KIRREL3: variants seen among roughly 807,000 people sequenced by gnomAD.
KIRREL3 encodes kirre like nephrin family adhesion molecule 3, also known as kin of IRRE-like protein 3.
Under a neutral mutation model 89.7 loss-of-function variants are expected in KIRREL3, and 36 were observed. The observed-to-expected ratio is 0.40, with a 90% CI of 0.31 to 0.53. The LOEUF (loss-of-function observed/expected upper bound fraction) is 0.53. Ranked by LOEUF, KIRREL3 falls within the 20% of genes least tolerant of loss-of-function variation. The probability of loss-of-function intolerance (pLI) is 0.49; values close to 1 mark genes in which losing one functional copy is unlikely to be tolerated. For missense variants in KIRREL3, 864 were observed against 1,056.6 expected (o/e 0.82, Z 2.53); for synonymous variants, 445 against 441.4 (o/e 1.01, Z -0.10).
Position 126,969,148 on chromosome 11 carries a change from A to G in KIRREL3, c.55+31307T>C, listed in dbSNP as rs1459305846. Among the ~76,000 whole-genome samples, 3 of 152,130 alleles carry G rather than the reference A, an allele frequency of 2.0e-5. No homozygotes were observed. The highest frequency in any genetic ancestry group is 6.5e-5 in the Admixed American group (1 of 15,274). On this transcript the variant is annotated intron_variant, in intron 1 of 16. Transcript: ENST00000525144. The surrounding 1 kb of genome is among the most constrained non-coding windows in gnomAD (Gnocchi z 4.9). ...GACAGAGGAGGGCGCTCAGGGGCCA[A>G]TCAAACGACTTCTAAACCGCGAAAA...
chr11:126,506,379 G>A (rs1958015495), intron 4 of KIRREL3, among the ~76,000 whole-genome samples: 2 of 152,142 alleles, frequency 1.3e-5, no homozygotes, highest in Admixed American at 1.3e-4. Context: ...TTGTATCCTG[G>A]CTATAAAGAA....
rs540922257 is a variant in KIRREL3 at position 126,909,381 on chromosome 11, C to A, written c.55+91074G>T. Among the ~76,000 whole-genome samples the A allele has an allele frequency of 6.6e-6, 1 of 152,338 alleles. No individual in the cohort carries two copies. Among genetic ancestry groups the A allele is most frequent in the South Asian group, 2.1e-4 (1 of 4,832 alleles). On this transcript the variant is annotated intron_variant, in intron 1 of 16. Transcript: ENST00000525144. This position sits in a 1 kb window ranked among gnomAD's most constrained non-coding sequence, Gnocchi z 4.5. The stretch of plus-strand genomic sequence containing the variant: ...GAGAGCAAGGACGCATTGCACTCAT[C>A]CTTGCATATCTGTAGCTCCACCTCA...
rs1307339064 is a variant in KIRREL3, at chr11:126,521,661, T to TCC, written c.284-198_284-197insGG. On this transcript the variant is annotated intron_variant, in intron 3 of 16. Transcript: ENST00000525144. The surrounding 1 kb of genome is among the most constrained non-coding windows in gnomAD (Gnocchi z 4.1). ...CAAGGCATTGAAGGTGTTGGTTCTC[T>TCC]CTCTCTCTCTCTGTATGTGTGTGTG... 6.8e-6 allele frequency among the ~76,000 whole-genome samples: 1 copy of TCC among 147,584 alleles called. No homozygotes were observed. The highest frequency in any genetic ancestry group is 2.6e-5 in the African/African-American group (1 of 38,936).
intron 2 of KIRREL3, among the ~76,000 whole-genome samples, chr11:126,538,709 A>C (rs599561): frequency 0.37 from 55,805 of 151,986 alleles, 11,649 homozygotes; most frequent in East Asian, 0.86. Context: ...TCACTGTTTC[A>C]GCTCTCAGGA....
At position 126,463,340 on chromosome 11, in the gene KIRREL3, C is replaced by T. The variant is rs762302174; in HGVS notation, c.592-33G>A. 7.5e-6 allele frequency: 12 copies of T among 1,597,546 alleles called. No homozygotes were observed. In the South Asian group the frequency reaches 1.3e-4, roughly 18 times the overall value. Reference sequence around the variant, plus strand: ...GAAAGGGAAAGGGGAGAGAAAGCTCCATGTCGCTTGGCTGGGGTGGCCAGC... The same window carrying T: ...GAAAGGGAAAGGGGAGAGAAAGCTCTATGTCGCTTGGCTGGGGTGGCCAGC... On this transcript the variant is annotated intron_variant, in intron 5 of 16. Transcript: ENST00000525144. The surrounding 1 kb of genome is among the most constrained non-coding windows in gnomAD (Gnocchi z 5.9).
intron 1 of KIRREL3, among the ~76,000 whole-genome samples, chr11:126,806,115 CAA>C (rs1217452966): frequency 1.3e-5 from 2 of 152,166 alleles, no homozygotes; most frequent in Non-Finnish European, 2.9e-5. Flanking sequence ...CAAAAAGACA[CAA>C]AGAGAGGCTG....
intron 9 of KIRREL3, 145 bp downstream of exon 9, chr11:126,446,614 T>A (rs1955824587): frequency 1.0e-6 from 1 of 960,450 alleles, no homozygotes; most frequent in African/African-American, 1.6e-5. Flanking sequence ...CCCCCTCCTC[T>A]TTCTGGGATC....
At position 126,526,684 on chromosome 11, in the gene KIRREL3, T is replaced by C. The variant is rs1408661784; in HGVS notation, c.137A>G (p.Gln46Arg). Residue 46 changes from glutamine to arginine, a missense_variant, in exon 3 of 17, where the codon CAA becomes CGA. Transcript: ENST00000525144. The surrounding 1 kb of genome is among the most constrained non-coding windows in gnomAD (Gnocchi z 5.7). The part of the protein sequence containing the change: ...KDKFRRMNEG[Q>R]VYSFSQQPQD... ...GGGCTGCTGGCTGAAGGAATAGACT[T>C]GGCCTGGGAAGGAGACAAACACAAT... The C allele has an allele frequency of 1.3e-6, 2 of 1,561,052 alleles. No homozygotes were observed. The highest frequency in any genetic ancestry group is 2.4e-5 in the South Asian group (2 of 84,590).
intron 1 of KIRREL3, among the ~76,000 whole-genome samples, chr11:126,790,720 C>T (rs1462955190): frequency 1.3e-5 from 2 of 151,982 alleles, no homozygotes; most frequent in Admixed American, 6.6e-5. Context: ...GATTTCCAAC[C>T]CTAATCGCAG....
rs888566210 is a variant in KIRREL3 at position 126,666,927 on chromosome 11, C to T, written c.56-104015G>A. 3.9e-5 allele frequency among the ~76,000 whole-genome samples: 6 copies of T among 152,182 alleles called. No homozygotes were observed. In the East Asian group the frequency reaches 1.2e-3, roughly 29 times the overall value. ...GCTTAGCCAACAGTCTCAGGGTCAG[C>T]ATTTCCTAGTCCTACAAGATTCAGA... On this transcript the variant is annotated intron_variant, in intron 1 of 16. Coordinates refer to ENST00000525144, the MANE Select transcript of KIRREL3 (RefSeq NM_032531.4). The surrounding 1 kb of genome is among the most constrained non-coding windows in gnomAD (Gnocchi z 4.2).
chr11:126,929,297 A>G (rs915099504), intron 1 of KIRREL3, among the ~76,000 whole-genome samples: 4 of 151,994 alleles, frequency 2.6e-5, no homozygotes, highest in African/African-American at 9.7e-5. Context: ...CAGGTCCAAA[A>G]TGTAGCTAAT....
At chr11:126,662,079 T>A (rs1375523254) in intron 1 of KIRREL3, among the ~76,000 whole-genome samples, 1 of 152,148 alleles carries the variant, frequency 6.6e-6, no homozygotes, top group Non-Finnish European at 1.5e-5. Flanking sequence ...GATTTTCCCC[T>A]AGTAGTTTTT....
At chr11:126,958,052 G>A (rs925669345) in intron 1 of KIRREL3, among the ~76,000 whole-genome samples, 3 of 152,162 alleles carry the variant, frequency 2.0e-5, no homozygotes, top group African/African-American at 4.8e-5. Flanking sequence ...CAGGTGGATC[G>A]AAATTGTAGC....
rs1002819812 is a variant in KIRREL3, at chr11:126,498,801, G to A, written c.433+22514C>T. Among the ~76,000 whole-genome samples, 6 of 152,170 alleles carry A rather than the reference G, an allele frequency of 3.9e-5. No homozygotes were observed. Among genetic ancestry groups the A allele is most frequent in the African/African-American group, 7.2e-5 (3 of 41,438 alleles). ...GTCCCCCTCCCACAGGAGCACCTGC[G>A]TGGGCCCTCAGTAAATGCCAGTTCT... On this transcript the variant is annotated intron_variant, in intron 4 of 16. Coordinates refer to ENST00000525144, the MANE Select transcript of KIRREL3 (RefSeq NM_032531.4). The surrounding 1 kb of genome is among the most constrained non-coding windows in gnomAD (Gnocchi z 4.3).
At chr11:126,665,321 T>C (rs558422512) in intron 1 of KIRREL3, among the ~76,000 whole-genome samples, 22 of 152,340 alleles carry the variant, frequency 1.4e-4, no homozygotes, top group South Asian at 1.0e-3. Context: ...AATTCTACTA[T>C]AAGAATATTT....
In KIRREL3 at chr11:126,514,594, C is replaced by T. The variant is rs567497970; in HGVS notation, c.433+6721G>A. 5.3e-5 allele frequency among the ~76,000 whole-genome samples: 8 copies of T among 152,300 alleles called. No homozygotes were observed. The South Asian group carries it at 1.7e-3, about 32-fold the overall frequency. On this transcript the variant is annotated intron_variant, in intron 4 of 16. Coordinates refer to ENST00000525144, the MANE Select transcript of KIRREL3 (RefSeq NM_032531.4). The stretch of plus-strand genomic sequence containing the variant: ...GCTATGCCTTGCTGCATAACAGGCG[C>T]TATTCTGAGACATGTTTTACATATA...
chr11:126,631,444 C>G (rs982711494), intron 1 of KIRREL3, among the ~76,000 whole-genome samples: 2 of 152,184 alleles, frequency 1.3e-5, no homozygotes, highest in African/African-American at 4.8e-5. Context: ...TATGCAGAAT[C>G]GGAAGATTCT....
intron 11 of KIRREL3, among the ~76,000 whole-genome samples, chr11:126,437,219 G>A (rs1369639490): frequency 6.6e-6 from 1 of 151,934 alleles, no homozygotes; most frequent in African/African-American, 2.4e-5. Flanking sequence ...CACCACACAT[G>A]GGCATGCACA....
At chr11:126,582,541 T>A (rs1331373382) in intron 1 of KIRREL3, among the ~76,000 whole-genome samples, 1 of 152,112 alleles carries the variant, frequency 6.6e-6, no homozygotes, top group Non-Finnish European at 1.5e-5. Context: ...CCCATTTACC[T>A]CCCCAGTCTG....
Sources: allele counts gnomAD v4.1 joint callset (sites outside exome capture counted in the v4.1 genomes callset), GRCh38; gene constraint gnomAD v4.1.1; non-coding constraint Gnocchi (gnomAD v3.1); transcripts MANE v1.5; gene names NCBI Gene and HGNC (gene_info 2026-07-23, HGNC 2026-07-21).